Variants in TMTC1 observed in about 807,000 individuals in gnomAD.
The protein encoded by TMTC1 is transmembrane O-mannosyltransferase targeting cadherins 1.
Under a neutral mutation model 104.8 loss-of-function variants are expected in TMTC1, and 73 were observed. That is an observed-to-expected ratio of 0.70 (90% confidence interval 0.58 to 0.85). The LOEUF (loss-of-function observed/expected upper bound fraction) is 0.85, where lower values mean the gene tolerates loss of function less well. TMTC1 is among the 40% of genes least tolerant of loss of function. The pLI, the probability that TMTC1 is intolerant of heterozygous loss-of-function variation, is 0.00. For missense variants in TMTC1, 1,035 were observed against 1,096.1 expected (o/e 0.94, Z 0.79); for synonymous variants, 434 against 428.7 (o/e 1.01, Z -0.15).
At chr12:29,661,351 C>G in intron 5 of TMTC1, 1 of 980,378 alleles carries the variant, frequency 1.0e-6, no homozygotes, top group Non-Finnish European at 1.2e-6. Flanking sequence ...TGTCTTCCAT[C>G]CACAAAATAC....
intron 9 of TMTC1, 115 bp from the exon 10 acceptor site, chr12:29,557,115 T>C: frequency 6.7e-6 from 8 of 1,187,592 alleles, no homozygotes; most frequent in Non-Finnish European, 1.2e-6. Flanking sequence ...TGAATTATTC[T>C]TGTACTTGAA....
intron 5 of TMTC1, among the ~76,000 whole-genome samples, chr12:29,635,191 C>T (rs1344573443): frequency 7.0e-6 from 1 of 142,064 alleles, no homozygotes; most frequent in African/African-American, 2.7e-5. Context: ...ACAAAAAATG[C>T]CAAAAAAAAA....
chr12:29,573,420 T>C (rs1281948038), intron 8 of TMTC1, among the ~76,000 whole-genome samples: 1 of 152,180 alleles, frequency 6.6e-6, no homozygotes, highest in Non-Finnish European at 1.5e-5. Flanking sequence ...ATCATCTACA[T>C]AGTGTCCCTT....
At chr12:29,687,611 T>A (rs371769972) in intron 5 of TMTC1, among the ~76,000 whole-genome samples, 54 of 152,198 alleles carry the variant, frequency 3.5e-4, no homozygotes, top group African/African-American at 1.2e-3. Flanking sequence ...TTGATAATTG[T>A]CCTGGAGTTG....
At chr12:29,734,767 C>G (rs151093361) in intron 5 of TMTC1, among the ~76,000 whole-genome samples, 20 of 151,986 alleles carry the variant, frequency 1.3e-4, no homozygotes, top group African/African-American at 4.8e-4. Flanking sequence ...TCTTCTTTTC[C>G]TTTTTGGAAC....
At chr12:29,721,328 C>A (rs570141781) in intron 5 of TMTC1, among the ~76,000 whole-genome samples, 1 of 104,270 alleles carries the variant, frequency 9.6e-6, no homozygotes, top group African/African-American at 4.9e-5. Flanking sequence ...AAGAGTCAGA[C>A]CTGAAAGATA....
chr12:29,662,001 AAG>A (rs1389068024), intron 5 of TMTC1, among the ~76,000 whole-genome samples: 2 of 152,196 alleles, frequency 1.3e-5, no homozygotes, highest in Admixed American at 1.3e-4. Flanking sequence ...AAAGGGAATC[AAG>A]AGACGGTATT....
chr12:29,520,997 C>A, intron 11 of TMTC1: 1 of 273,310 alleles, frequency 3.7e-6, no homozygotes, highest in Non-Finnish European at 6.8e-6. Context: ...TGGACCTGTA[C>A]AACATGCACG....
At position 29,692,853 on chromosome 12, in the gene TMTC1, A is replaced by G. The variant is rs149285625; in HGVS notation, c.938+58813T>C. Among the ~76,000 whole-genome samples the G allele has an allele frequency of 1.4e-4, 20 of 145,248 alleles. 5 individuals carry two copies. The highest frequency in any genetic ancestry group is 5.0e-4 in the African/African-American group (20 of 39,814). On this transcript the variant is annotated intron_variant, in intron 5 of 17. Coordinates refer to ENST00000539277, the MANE Select transcript of TMTC1 (RefSeq NM_001193451.2). Reference sequence around the variant, plus strand: ...GTAATACATGTTATAACATAGATAAACCTTAAAAACATCATACTACATTAA... The same window carrying G: ...GTAATACATGTTATAACATAGATAAGCCTTAAAAACATCATACTACATTAA...
At position 29,599,968 on chromosome 12, in the gene TMTC1, ATGTG is replaced by A. The variant is rs113537256; in HGVS notation, c.1250+4206_1250+4209del. Among the ~76,000 whole-genome samples the A allele has an allele frequency of 8.8e-4, 116 of 131,262 alleles. 2 individuals carry two copies. The highest frequency in any genetic ancestry group is 3.1e-3 in the African/African-American group (87 of 28,028). 86.1% of individuals were successfully genotyped at this position (131,262 alleles called of 152,430 possible). ...TGTGTATATATATGTGTATATATAT[ATGTG>A]TGTGTGTGTGTGTGTATATACATAT... On this transcript the variant is annotated intron_variant, in intron 7 of 17. Transcript: ENST00000539277.
intron 10 of TMTC1, among the ~76,000 whole-genome samples, chr12:29,547,173 C>T (rs972829436): frequency 6.6e-6 from 1 of 152,204 alleles, no homozygotes; most frequent in African/African-American, 2.4e-5. Flanking sequence ...AAAATGATGA[C>T]ATTCCAACTC....
chr12:29,613,067 T>A (rs1410291436), intron 6 of TMTC1, among the ~76,000 whole-genome samples: 1 of 152,208 alleles, frequency 6.6e-6, no homozygotes, highest in African/African-American at 2.4e-5. Context: ...TCTATAATAT[T>A]CCACTGTTTA....
In TMTC1 at chr12:29,633,167, G is replaced by T; in HGVS notation, c.1108C>A (p.His370Asn). Residue 370 changes from histidine (H) to asparagine (N), a missense_variant, in exon 6 of 18, where the codon CAC becomes AAC. Coordinates refer to ENST00000539277, the MANE Select transcript of TMTC1 (RefSeq NM_001193451.2). Reference protein sequence around the residue: ...LAVVMALLSLHCLAAFKRLEH... With the variant: ...LAVVMALLSLNCLAAFKRLEH... ...ATTACCTTAAAGGCTGCTAAGCAGT[G>T]CAGGCTCAATAAGGCCATCACAACC... 1.2e-6 allele frequency: 2 copies of T among 1,613,820 alleles called. No individual in the cohort carries two copies. Among genetic ancestry groups the T allele is most frequent in the Admixed American group, 3.3e-5 (2 of 59,998 alleles).
intron 5 of TMTC1, among the ~76,000 whole-genome samples, chr12:29,663,801 G>A (rs571989781): frequency 1.3e-5 from 2 of 151,658 alleles, no homozygotes; most frequent in African/African-American, 2.4e-5. Flanking sequence ...ACAGGCGTGA[G>A]CCACCACACC....
Position 29,556,953 on chromosome 12 carries a change from G to A in TMTC1, c.1580C>T (p.Thr527Met), listed in dbSNP as rs750989599. The change falls in exon 10 of 18, where the codon ACG becomes ATG. Residue 527 changes from threonine (T) to methionine (M), a missense_variant. Thr to Met is a moderately conservative substitution (Grantham distance 81, BLOSUM62 -1). Transcript: ENST00000539277. The stretch of plus-strand genomic sequence containing the variant: ...CATCTTTGCCTCTGCTGTGTCTCTC[G>A]TCAGTGTTCCAAGGTTGTTGAGCGC... ...ASALNNLGTL[T>M]RDTAEAKMYY... 5 of 1,614,130 alleles carry A rather than the reference G, an allele frequency of 3.1e-6. No homozygotes were observed. Among genetic ancestry groups the A allele is most frequent in the South Asian group, 1.1e-5 (1 of 91,082 alleles).
chr12:29,578,488 A>G (rs985655675), intron 8 of TMTC1, among the ~76,000 whole-genome samples: 6 of 152,174 alleles, frequency 3.9e-5, no homozygotes, highest in Admixed American at 6.5e-5. Context: ...AGCTTTACCC[A>G]TATTTATTCC....
intron 7 of TMTC1, among the ~76,000 whole-genome samples, chr12:29,591,908 G>GAAAACAAAACAAAACAAAAC (rs61162219): frequency 0.027 from 3,994 of 150,406 alleles, 127 homozygotes; most frequent in African/African-American, 0.088. Flanking sequence ...GCTTTTAAGT[G>GAAAACAAAACAAAACAAAAC]AAAACAAAAC....
intron 11 of TMTC1, among the ~76,000 whole-genome samples, chr12:29,524,762 T>G (rs576786364): frequency 9.2e-5 from 14 of 152,314 alleles, no homozygotes; most frequent in African/African-American, 3.4e-4. Context: ...CCATTAAATG[T>G]TTTTGCTCAC....
At chr12:29,628,805 G>GCGCA (rs1220518517) in intron 6 of TMTC1, among the ~76,000 whole-genome samples, 9 of 151,894 alleles carry the variant, frequency 5.9e-5, no homozygotes, top group African/African-American at 2.2e-4. Context: ...AGAAGTACAG[G>GCGCA]CGCACACCAC....
Sources: allele counts gnomAD v4.1 joint callset (sites outside exome capture counted in the v4.1 genomes callset), GRCh38; gene constraint gnomAD v4.1.1; transcripts MANE v1.5; gene names NCBI Gene and HGNC (gene_info 2026-07-23, HGNC 2026-07-21).